The following ADAMTS3 variants were observed in gnomAD, a reference collection of about 807,000 sequenced individuals.
The protein encoded by ADAMTS3 is A disintegrin and metalloproteinase with thrombospondin motifs 3.
Under a neutral mutation model 129.0 loss-of-function variants are expected in ADAMTS3, and 73 were observed. The ratio of observed to expected loss-of-function variants is 0.57; its 90% CI spans 0.47 to 0.69. ADAMTS3 has a LOEUF of 0.69. Ranked by LOEUF, ADAMTS3 falls within the 30% of genes least tolerant of loss-of-function variation. The pLI is 0.00. For synonymous variants in ADAMTS3, 477 were observed against 510.8 expected (o/e 0.93, Z 0.89); for missense variants, 1,457 against 1,514.5 (o/e 0.96, Z 0.63).
chr4:72,299,053 C>CTGTGTGTGTGTGTG, intron 17 of ADAMTS3, among the ~76,000 whole-genome samples: 1 of 138,146 alleles, frequency 7.2e-6, no homozygotes, highest in Admixed American at 7.3e-5. Flanking sequence ...TATTTGCATT[C>CTGTGTGTGTGTGTG]TGTGTGTGTG....
intron 4 of ADAMTS3, among the ~76,000 whole-genome samples, chr4:72,402,383 T>C (rs919925709): frequency 6.6e-6 from 1 of 152,220 alleles, no homozygotes; most frequent in Admixed American, 6.5e-5. Flanking sequence ...ATACTGAGCA[T>C]CTGATAAATA....
At chr4:72,447,284 A>G (rs1718280287) in intron 3 of ADAMTS3, among the ~76,000 whole-genome samples, 3 of 151,742 alleles carry the variant, frequency 2.0e-5, no homozygotes, top group African/African-American at 7.2e-5. Flanking sequence ...CAATTAAAGA[A>G]GCTGCCATCA....
chr4:72,355,114 T>C (rs530446313), intron 4 of ADAMTS3, among the ~76,000 whole-genome samples: 1 of 151,954 alleles, frequency 6.6e-6, no homozygotes, highest in South Asian at 2.1e-4. Context: ...GAGTAGTTAA[T>C]CTTGTTATTT....
At chr4:72,429,405 G>A (rs918310754) in intron 3 of ADAMTS3, among the ~76,000 whole-genome samples, 6 of 151,946 alleles carry the variant, frequency 3.9e-5, no homozygotes, top group African/African-American at 1.4e-4. Context: ...GTAGAAAAGC[G>A]ATATCTACCA....
chr4:72,300,973 A>C (rs983777142), intron 17 of ADAMTS3, among the ~76,000 whole-genome samples: 8 of 152,210 alleles, frequency 5.3e-5, no homozygotes, highest in Non-Finnish European at 1.2e-4. Flanking sequence ...CTATGCCAGA[A>C]CTAGCCAGTT....
At chr4:72,424,980 T>C (rs1400641171) in intron 3 of ADAMTS3, among the ~76,000 whole-genome samples, 1 of 152,116 alleles carries the variant, frequency 6.6e-6, no homozygotes, top group Non-Finnish European at 1.5e-5. Flanking sequence ...ATATTCTTTG[T>C]CATATTGAAG....
intron 3 of ADAMTS3, among the ~76,000 whole-genome samples, chr4:72,530,650 TATTA>T (rs1721000709): frequency 1.4e-5 from 1 of 72,172 alleles, no homozygotes; most frequent in African/African-American, 5.2e-5. Flanking sequence ...TTATATATAA[TATTA>T]TATATATTAT....
intron 4 of ADAMTS3, among the ~76,000 whole-genome samples, chr4:72,353,609 TGGGC>T (rs1293401536): frequency 6.6e-6 from 1 of 151,914 alleles, no homozygotes; most frequent in Non-Finnish European, 1.5e-5. Flanking sequence ...GCTACCAGGG[TGGGC>T]CATCTTCTGT....
At chr4:72,309,346 A>T in intron 15 of ADAMTS3, 51 bp downstream of exon 15, 1 of 1,587,980 alleles carries the variant, frequency 6.3e-7, no homozygotes, top group Non-Finnish European at 8.6e-7. Context: ...AAGCCTCAAA[A>T]AGTACAAATC....
At chr4:72,529,139 G>T (rs867885090) in intron 3 of ADAMTS3, among the ~76,000 whole-genome samples, 1 of 152,100 alleles carries the variant, frequency 6.6e-6, no homozygotes, top group East Asian at 1.9e-4. Context: ...TCTTACAGAA[G>T]AAAAGCTGAT....
chr4:72,549,465 G>A (rs1044025337), intron 2 of ADAMTS3, among the ~76,000 whole-genome samples: 2 of 151,984 alleles, frequency 1.3e-5, no homozygotes. Flanking sequence ...GAGATTCAGG[G>A]GTAGGAGGTC....
intron 10 of ADAMTS3, among the ~76,000 whole-genome samples, chr4:72,317,762 T>G (rs536168237): frequency 1.9e-4 from 29 of 152,256 alleles, no homozygotes; most frequent in Non-Finnish European, 1.2e-4. Context: ...GCACAGTGGC[T>G]CACGCCTGTA....
In ADAMTS3 at chr4:72,347,805, A is replaced by C. The variant is rs113355483; in HGVS notation, c.662-8112T>G. ...CCAATTACTAGATTACATTCTAGTAATCTTAGACTGCTAGAAATTAAGGTT... is the reference window on the plus strand; with the variant it reads ...CCAATTACTAGATTACATTCTAGTACTCTTAGACTGCTAGAAATTAAGGTT... On this transcript the variant is annotated intron_variant, in intron 4 of 21. Transcript: ENST00000286657. Among the ~76,000 whole-genome samples, 14 of 152,166 alleles carry C rather than the reference A, an allele frequency of 9.2e-5. 2 individuals carry two copies. The highest frequency in any genetic ancestry group is 3.4e-4 in the African/African-American group (14 of 41,530).
intron 3 of ADAMTS3, among the ~76,000 whole-genome samples, chr4:72,494,317 A>AT (rs1398794728): frequency 2.6e-5 from 4 of 151,924 alleles, no homozygotes; most frequent in Non-Finnish European, 5.9e-5. Flanking sequence ...GGGTCCTCAC[A>AT]TTTTTAGATA....
chr4:72,376,086 C>G (rs762662590), intron 4 of ADAMTS3, among the ~76,000 whole-genome samples: 1 of 152,108 alleles, frequency 6.6e-6, no homozygotes, highest in Non-Finnish European at 1.5e-5. Flanking sequence ...TGCAAATTCT[C>G]AAATACACGT....
At chr4:72,392,293 G>A (rs1721615249) in intron 4 of ADAMTS3, among the ~76,000 whole-genome samples, 1 of 152,094 alleles carries the variant, frequency 6.6e-6, no homozygotes, top group African/African-American at 2.4e-5. Context: ...ACAAGAGGAA[G>A]GGCAAGCATA....
chr4:72,411,100 T>C (rs1011573453), intron 4 of ADAMTS3, among the ~76,000 whole-genome samples: 1 of 152,138 alleles, frequency 6.6e-6, no homozygotes, highest in Non-Finnish European at 1.5e-5. Flanking sequence ...AAAAAACATA[T>C]TTTTAAACAA....
intron 10 of ADAMTS3, among the ~76,000 whole-genome samples, chr4:72,317,715 G>A (rs1719435795): frequency 6.6e-6 from 1 of 151,854 alleles, no homozygotes. Context: ...GATTAAATAC[G>A]GTGCCCAAGT....
intron 3 of ADAMTS3, among the ~76,000 whole-genome samples, chr4:72,449,282 C>G (rs1039529221): frequency 1.3e-5 from 2 of 151,600 alleles, no homozygotes; most frequent in African/African-American, 4.8e-5. Context: ...TTGACATCTC[C>G]CTGGGACATC....
Sources: gnomAD v4.1 joint callset for allele counts (sites outside exome capture counted in the v4.1 genomes callset) on GRCh38, gnomAD v4.1.1 for gene constraint, MANE v1.5 for transcripts, NCBI Gene and HGNC (gene_info 2026-07-23, HGNC 2026-07-21) for gene names.